ADAMTS2: variants seen among roughly 807,000 people sequenced by gnomAD.
ADAMTS2 encodes ADAM metallopeptidase with thrombospondin type 1 motif 2.
In ADAMTS2, 50 loss-of-function variants were observed where a neutral mutation model predicts 123.0. The ratio of observed to expected loss-of-function variants is 0.41; its 90% CI spans 0.32 to 0.51. The LOEUF (loss-of-function observed/expected upper bound fraction) is 0.51. ADAMTS2 is among the 20% of genes least tolerant of loss of function. The probability of loss-of-function intolerance (pLI) is 0.35; values close to 1 mark genes in which losing one functional copy is unlikely to be tolerated. For missense variants in ADAMTS2, 1,494 were observed against 1,705.2 expected (o/e 0.88, Z 2.18); for synonymous variants, 678 against 695.4 (o/e 0.98, Z 0.39).
intron 2 of ADAMTS2, among the ~76,000 whole-genome samples, chr5:179,278,431 G>A (rs1284539095): frequency 6.6e-6 from 1 of 152,054 alleles, no homozygotes; most frequent in Admixed American, 6.6e-5. Flanking sequence ...CCTGCTGCCA[G>A]TGTCAAGTGT....
chr5:179,308,145 A>G lies in ADAMTS2; in HGVS notation c.535-35081T>C, dbSNP rs1756728642. ...TTTGCCGCCTTCTGGAGCGACAACAAGGAGAAAACAGGGGTTTAAGTGGAG... is the reference window on the plus strand; with the variant it reads ...TTTGCCGCCTTCTGGAGCGACAACAGGGAGAAAACAGGGGTTTAAGTGGAG... On this transcript the variant is annotated intron_variant, in intron 2 of 21. Coordinates refer to ENST00000251582, the MANE Select transcript of ADAMTS2 (RefSeq NM_014244.5). This position sits in a 1 kb window ranked among gnomAD's most constrained non-coding sequence, Gnocchi z 6.6. 6.6e-6 allele frequency among the ~76,000 whole-genome samples: 1 copy of G among 152,178 alleles called. No individual in the cohort carries two copies. Among genetic ancestry groups the G allele is most frequent in the Non-Finnish European group, 1.5e-5 (1 of 68,044 alleles).
chr5:179,287,347 G>A (rs751841427), intron 2 of ADAMTS2, among the ~76,000 whole-genome samples: 2 of 152,202 alleles, frequency 1.3e-5, no homozygotes, highest in South Asian at 2.1e-4. Flanking sequence ...GAGTGCAGGC[G>A]CAGGGAGACA....
At chr5:179,241,870 T>G (rs943221764) in intron 3 of ADAMTS2, among the ~76,000 whole-genome samples, 3 of 152,180 alleles carry the variant, frequency 2.0e-5, no homozygotes, top group African/African-American at 7.2e-5. Flanking sequence ...GGGACCATCT[T>G]GTTGATTTTT....
chr5:179,149,938 C>T (rs1319482289), intron 10 of ADAMTS2, among the ~76,000 whole-genome samples: 1 of 152,064 alleles, frequency 6.6e-6, no homozygotes, highest in Non-Finnish European at 1.5e-5. Flanking sequence ...GAGGATCCTA[C>T]CACCAAAATG....
Position 179,225,467 on chromosome 5 carries a change from T to C in ADAMTS2, c.689-17752A>G, listed in dbSNP as rs1378685993. On this transcript the variant is annotated intron_variant, in intron 3 of 21. Transcript: ENST00000251582. This position sits in a 1 kb window ranked among gnomAD's most constrained non-coding sequence, Gnocchi z 4.5. ...CTTGCCTTTGTGCCCAAATGTCACATTTCCCAAGACCACCCTGGTCCACCA... is the reference window on the plus strand; with the variant it reads ...CTTGCCTTTGTGCCCAAATGTCACACTTCCCAAGACCACCCTGGTCCACCA... Among the ~76,000 whole-genome samples, 1 of 152,112 alleles carries C rather than the reference T, an allele frequency of 6.6e-6. No individual in the cohort carries two copies. The highest frequency in any genetic ancestry group is 1.5e-5 in the Non-Finnish European group (1 of 68,024).
intron 3 of ADAMTS2, among the ~76,000 whole-genome samples, chr5:179,241,415 C>A (rs1765668431): frequency 6.6e-6 from 1 of 152,230 alleles, no homozygotes; most frequent in Non-Finnish European, 1.5e-5. Context: ...GACAGCAGAT[C>A]AACCCAGCCG....
chr5:179,259,210 G>A (rs1265906651), intron 3 of ADAMTS2, among the ~76,000 whole-genome samples: 1 of 151,760 alleles, frequency 6.6e-6, no homozygotes, highest in African/African-American at 2.4e-5. Flanking sequence ...CAGGTACTTC[G>A]CATCTGCTGC....
intron 2 of ADAMTS2, among the ~76,000 whole-genome samples, chr5:179,306,542 G>A (rs530881223): frequency 6.6e-6 from 1 of 152,282 alleles, no homozygotes; most frequent in South Asian, 2.1e-4. Context: ...AAAATAAGGA[G>A]CATTTTCACG....
At chr5:179,298,973 A>G (rs1756421958) in intron 2 of ADAMTS2, among the ~76,000 whole-genome samples, 1 of 152,196 alleles carries the variant, frequency 6.6e-6, no homozygotes, top group Non-Finnish European at 1.5e-5. Flanking sequence ...GTGAGAATTC[A>G]GCACATCAGA....
intron 5 of ADAMTS2, among the ~76,000 whole-genome samples, chr5:179,167,980 C>T (rs574950488): frequency 6.6e-6 from 1 of 152,338 alleles, no homozygotes; most frequent in East Asian, 1.9e-4. Context: ...TTCAGCAAAG[C>T]TTCTCAACCG....
chr5:179,218,819 G>A (rs1300360094), intron 3 of ADAMTS2, among the ~76,000 whole-genome samples: 1 of 152,148 alleles, frequency 6.6e-6, no homozygotes, highest in Non-Finnish European at 1.5e-5. Flanking sequence ...GGGAGAAAAA[G>A]GAAGCACTAA....
chr5:179,245,792 AAAAC>A (rs1561628693), intron 3 of ADAMTS2, among the ~76,000 whole-genome samples: 1,153 of 97,048 alleles, frequency 0.012, 158 homozygotes, highest in Non-Finnish European at 0.022. Flanking sequence ...AAAAAAAAAA[AAAAC>A]AAAAAAAACA....
intron 2 of ADAMTS2, among the ~76,000 whole-genome samples, chr5:179,301,816 T>C (rs571346366): frequency 6.6e-6 from 1 of 152,372 alleles, no homozygotes; most frequent in South Asian, 2.1e-4. Flanking sequence ...CCCAGCAGTG[T>C]CCTCTCATCC....
In ADAMTS2 at chr5:179,317,814, G is replaced by A. The variant is rs466696; in HGVS notation, c.534+25953C>T. Among the ~76,000 whole-genome samples, 15 of 152,320 alleles carry A rather than the reference G, an allele frequency of 9.8e-5. No homozygotes were observed. Among genetic ancestry groups the A allele is most frequent in the Admixed American group, 6.5e-5 (1 of 15,306 alleles). On this transcript the variant is annotated intron_variant, in intron 2 of 21. Coordinates refer to ENST00000251582, the MANE Select transcript of ADAMTS2 (RefSeq NM_014244.5). The surrounding 1 kb of genome is among the most constrained non-coding windows in gnomAD (Gnocchi z 4.9). ...ATCGCCAGCTGGGGAGAGTGGAGCA[G>A]ACGTACAGGATGGAGGGTAGAGGTG... is the stretch of plus-strand genomic sequence containing the variant.
At chr5:179,124,042 T>C (rs557873183) in intron 19 of ADAMTS2, among the ~76,000 whole-genome samples, 2 of 152,342 alleles carry the variant, frequency 1.3e-5, no homozygotes, top group East Asian at 3.9e-4. Flanking sequence ...GTGACCCCAC[T>C]GGGAGGGGAC....
intron 3 of ADAMTS2, among the ~76,000 whole-genome samples, chr5:179,231,232 G>C (rs1374523807): frequency 3.3e-5 from 5 of 152,212 alleles, no homozygotes; most frequent in African/African-American, 1.2e-4. Context: ...GGCTGCCAGA[G>C]CTGGGGGAGC....
intron 10 of ADAMTS2, among the ~76,000 whole-genome samples, chr5:179,146,284 ATTCT>A (rs925045646): frequency 6.6e-5 from 10 of 152,258 alleles, no homozygotes; most frequent in African/African-American, 2.4e-4. Flanking sequence ...ATTGAGGGAA[ATTCT>A]TTCTTTTTAA....
chr5:179,325,685 C>T (rs1344990809), intron 2 of ADAMTS2, among the ~76,000 whole-genome samples: 2 of 152,268 alleles, frequency 1.3e-5, no homozygotes, highest in South Asian at 2.1e-4. Context: ...CTCTGCCGGG[C>T]GGCTGGTGCA....
In ADAMTS2 at chr5:179,207,586, C is replaced by A; in HGVS notation, c.818G>T (p.Gly273Val). 6.2e-7 allele frequency: 1 copy of A among 1,613,866 alleles called. No homozygotes were observed. The highest frequency in any genetic ancestry group is 8.5e-7 in the Non-Finnish European group (1 of 1,180,042). The change falls in exon 4 of 22, where the codon GGC becomes GTC. Residue 273 changes from glycine to valine, a missense_variant. Physicochemically the swap from Gly to Val is moderately radical, Grantham distance 109 (BLOSUM62 -3). Around this residue, in one of 6 missense-constraint regions of ADAMTS2, gnomAD observed 184 missense variants for 152.1 expected, o/e 1.21. Coordinates refer to ENST00000251582, the MANE Select transcript of ADAMTS2 (RefSeq NM_014244.5). The stretch of plus-strand genomic sequence containing the variant: ...GAACTGCACCACAGAGTCATCCACG[C>A]CCAGCAGGACCTCGATGTTGTAGTC... ...DDDYNIEVLL[G>V]VDDSVVQFHG...
Sources: allele counts gnomAD v4.1 joint callset (sites outside exome capture counted in the v4.1 genomes callset), GRCh38; gene constraint gnomAD v4.1.1; regional missense constraint gnomAD v4.1.1; non-coding constraint Gnocchi (gnomAD v3.1); transcripts MANE v1.5; gene names NCBI Gene and HGNC (gene_info 2026-07-23, HGNC 2026-07-21).